DEF6: variants seen among roughly 807,000 people sequenced by gnomAD.
The protein encoded by DEF6 is differentially expressed in FDCP 6 homolog.
DEF6 carries 32 observed loss-of-function variants against 80.5 expected under a neutral mutation model. That is an observed-to-expected ratio of 0.40 (90% CI 0.30 to 0.53). The LOEUF is 0.53. Among genes scored for constraint, DEF6 ranks in the 20% least tolerant of loss-of-function variants. DEF6 has a pLI of 0.57. For synonymous variants in DEF6, 300 were observed against 337.9 expected (o/e 0.89, Z 1.23); for missense variants, 575 against 818.7 (o/e 0.70, Z 3.63).
rs529730124 is a variant in DEF6 at position 35,317,768 on chromosome 6, C to A, written c.808-123C>A. 4.9e-5 allele frequency: 36 copies of A among 742,208 alleles called. No individual in the cohort carries two copies. In the African/African-American group the frequency reaches 6.3e-4, roughly 13 times the overall value. 46.0% of individuals were successfully genotyped at this position (742,208 alleles called of 1,614,324 possible). ...TGATGCAAGCCATGCAGGCTCCTGG[C>A]AGAGTGGGGTCCCCAGGGAAGATAG... On this transcript the variant is annotated intron_variant, in intron 5 of 10. Coordinates refer to ENST00000316637, the MANE Select transcript of DEF6 (RefSeq NM_022047.4).
intron 1 of DEF6, among the ~76,000 whole-genome samples, chr6:35,299,907 T>TA (rs1791293378): frequency 6.6e-6 from 1 of 151,942 alleles, no homozygotes; most frequent in Non-Finnish European, 1.5e-5. Context: ...AAAGGAGTAA[T>TA]AGAGAAGTGG....
At chr6:35,300,402 A>T (rs187957907) in intron 1 of DEF6, among the ~76,000 whole-genome samples, 195 of 152,264 alleles carry the variant, frequency 1.3e-3, no homozygotes, top group South Asian at 0.012. Flanking sequence ...CCAGGGCAAG[A>T]TGTGTCGGTG....
rs2150386777 is a variant in DEF6 at position 35,309,823 on chromosome 6, T to C, written c.237+13T>C. 2 of 1,613,470 alleles carry C rather than the reference T, an allele frequency of 1.2e-6. No individual in the cohort carries two copies. Among genetic ancestry groups the C allele is most frequent in the Non-Finnish European group, 8.5e-7 (1 of 1,179,640 alleles). On this transcript the variant is annotated intron_variant, in intron 2 of 10. Coordinates refer to ENST00000316637, the MANE Select transcript of DEF6 (RefSeq NM_022047.4). ...CATCCTGGACAAGGTGGGGCCCAGC[T>C]TGTAGGGAGCATCTGTAACCTCTCC...
intron 2 of DEF6, 123 bp downstream of exon 2, chr6:35,309,933 T>A: frequency 8.7e-7 from 1 of 1,153,422 alleles, no homozygotes. Flanking sequence ...CTGCCTGCTC[T>A]GTCCGTGACT....
chr6:35,319,593 A>G lies in DEF6; in HGVS notation c.1285A>G (p.Lys429Glu), dbSNP rs1249509875. 6.2e-7 allele frequency: 1 copy of G among 1,613,912 alleles called. No homozygotes were observed. The highest frequency in any genetic ancestry group is 2.2e-5 in the East Asian group (1 of 44,868). Residue 429 changes from lysine to glutamate, a missense_variant, in exon 8 of 11, where the codon AAG (lysine) becomes GAG (glutamate). Lys to Glu is a moderately conservative substitution (Grantham distance 56, BLOSUM62 1). Coordinates refer to ENST00000316637, the MANE Select transcript of DEF6 (RefSeq NM_022047.4). The surrounding 1 kb of genome is among the most constrained non-coding windows in gnomAD (Gnocchi z 4.5). ...GGCTGCCCGGCAGCGGCAGCGCATC[A>G]AGGAGCTGGAGGAGATGCAGCAGCG... ...EEAARQRQRI[K>E]ELEEMQQRLQ... is the part of the protein sequence containing the mutation.
intron 5 of DEF6, among the ~76,000 whole-genome samples, chr6:35,313,673 T>A (rs554079151): frequency 6.6e-6 from 1 of 152,340 alleles, no homozygotes; most frequent in Admixed American, 6.5e-5. Context: ...TCCACTTTTT[T>A]AGCTCCCACA....
Position 35,321,656 on chromosome 6 carries a change from A to G in DEF6, c.*246A>G. 2.5e-6 allele frequency: 1 copy of G among 394,272 alleles called. No homozygotes were observed. 24.4% of individuals were successfully genotyped at this position (394,272 alleles called of 1,614,324 possible). On this transcript the variant is annotated 3_prime_UTR_variant, in exon 11 of 11. Coordinates refer to ENST00000316637, the MANE Select transcript of DEF6 (RefSeq NM_022047.4). ...GAACTTGGCCCTGTGCTTTAGACCCAAGGACCCGATTCTTGGGCTAGGAAA... is the reference window on the plus strand; with the variant it reads ...GAACTTGGCCCTGTGCTTTAGACCCGAGGACCCGATTCTTGGGCTAGGAAA...
Position 35,307,050 on chromosome 6 carries a change from C to T in DEF6, c.97-2620C>T, listed in dbSNP as rs139071676. Among the ~76,000 whole-genome samples the T allele has an allele frequency of 2.6e-5, 4 of 152,320 alleles. No homozygotes were observed. The East Asian group carries it at 5.8e-4, about 22-fold the overall frequency. ...CCATTTTTTCATATTATAAACAATG[C>T]TTAATGAGCATTCTTGTATCTCTCC... On this transcript the variant is annotated intron_variant, in intron 1 of 10. Transcript: ENST00000316637.
At chr6:35,308,054 G>A (rs560273282) in intron 1 of DEF6, among the ~76,000 whole-genome samples, 5 of 152,302 alleles carry the variant, frequency 3.3e-5, no homozygotes, top group East Asian at 1.9e-4. Context: ...ACAATCCAAC[G>A]GAGGAGGGAG....
rs1310130846 is a variant in DEF6, at chr6:35,318,696, G to A, written c.1215+225G>A. ...GGACAGAACCTGGGGCTAGGAAAGG[G>A]GTGTGGGGCGAGGTCCGAGCCCGTG... On this transcript the variant is annotated intron_variant, in intron 7 of 10. Coordinates refer to ENST00000316637, the MANE Select transcript of DEF6 (RefSeq NM_022047.4). This position sits in a 1 kb window ranked among gnomAD's most constrained non-coding sequence, Gnocchi z 5.1. Among the ~76,000 whole-genome samples, 1 of 152,162 alleles carries A rather than the reference G, an allele frequency of 6.6e-6. No homozygotes were observed. The highest frequency in any genetic ancestry group is 1.5e-5 in the Non-Finnish European group (1 of 68,020).
rs36231574 is a variant in DEF6, at chr6:35,308,672, C to CAAAATAAAATAAAATAAAAT, written c.97-959_97-940dup. 9.9e-4 allele frequency among the ~76,000 whole-genome samples: 115 copies of CAAAATAAAATAAAATAAAAT among 115,716 alleles called. No individual in the cohort carries two copies. The Middle Eastern group carries it at 0.012, about 12-fold the overall frequency. 75.9% of individuals were successfully genotyped at this position (115,716 alleles called of 152,430 possible). ...TGGGTGACAGAGTAAGACTCCGTCT[C>CAAAATAAAATAAAATAAAAT]AAAATAAAATAAAATAAAATAAAAT... On this transcript the variant is annotated intron_variant, in intron 1 of 10. Transcript: ENST00000316637.
rs148839014 is a variant in DEF6 at position 35,312,439 on chromosome 6, C to G, written c.561C>G (p.Leu187=). 1.2e-6 allele frequency: 2 copies of G among 1,614,064 alleles called. No homozygotes were observed. Among genetic ancestry groups the G allele is most frequent in the Non-Finnish European group, 1.7e-6 (2 of 1,180,044 alleles). ...TCAGCGTCTGGCAGTTCCTGGAGCT[C>G]TTCAATTCGGGCCGCTGCCTGCGGG... is the stretch of plus-strand genomic sequence containing the variant. ...GGLSVWQFLE[L]FNSGRCLRGV... The change falls in exon 4 of 11, where the codon CTC becomes CTG. Residue 187 remains leucine (L), a synonymous_variant. Transcript: ENST00000316637. The surrounding 1 kb of genome is among the most constrained non-coding windows in gnomAD (Gnocchi z 6.6).
In DEF6 at chr6:35,318,814, A is replaced by G. The variant is rs1397301668; in HGVS notation, c.1215+343A>G. Among the ~76,000 whole-genome samples, 1 of 152,114 alleles carries G rather than the reference A, an allele frequency of 6.6e-6. No individual in the cohort carries two copies. The highest frequency in any genetic ancestry group is 6.5e-5 in the Admixed American group (1 of 15,282). On this transcript the variant is annotated intron_variant, in intron 7 of 10. Coordinates refer to ENST00000316637, the MANE Select transcript of DEF6 (RefSeq NM_022047.4). This position sits in a 1 kb window ranked among gnomAD's most constrained non-coding sequence, Gnocchi z 5.1. ...ACCGTGTGATTGGGGATTAGACTGGACCAAGTTTGGACTAGACTTGAACTA... is the reference window on the plus strand; with the variant it reads ...ACCGTGTGATTGGGGATTAGACTGGGCCAAGTTTGGACTAGACTTGAACTA...
chr6:35,299,579 A>G (rs915418681), intron 1 of DEF6, among the ~76,000 whole-genome samples: 2 of 151,996 alleles, frequency 1.3e-5, no homozygotes, highest in East Asian at 3.9e-4. Context: ...CCACTCCCTC[A>G]TCCCCACAGG....
chr6:35,310,093 AG>A (rs1791443782), intron 2 of DEF6, among the ~76,000 whole-genome samples: 1 of 150,826 alleles, frequency 6.6e-6, no homozygotes, highest in Admixed American at 6.6e-5. Context: ...TCCAGCTTCC[AG>A]GGTTCTCCAC....
chr6:35,316,229 T>C (rs989248392), intron 5 of DEF6: 1 of 151,710 alleles, frequency 6.6e-6, no homozygotes, highest in African/African-American at 2.4e-5. Flanking sequence ...GGTGTCGAAC[T>C]CCTGGCCTCA....
At chr6:35,302,585 A>G (rs1562146324) in intron 1 of DEF6, among the ~76,000 whole-genome samples, 1 of 152,186 alleles carries the variant, frequency 6.6e-6, no homozygotes, top group East Asian at 1.9e-4. Context: ...CTACTCCCCT[A>G]CATGCCTCCA....
At chr6:35,317,379 C>T (rs1791534656) in intron 5 of DEF6, among the ~76,000 whole-genome samples, 1 of 152,192 alleles carries the variant, frequency 6.6e-6, no homozygotes, top group Non-Finnish European at 1.5e-5. Context: ...AATACTAGTA[C>T]AGACTCTAGA....
chr6:35,298,548 G>A (rs1163842583), intron 1 of DEF6, among the ~76,000 whole-genome samples: 1 of 152,174 alleles, frequency 6.6e-6, no homozygotes, highest in Non-Finnish European at 1.5e-5. Context: ...ATATCAGGTT[G>A]GGAAACTTAC....
Sources: allele counts gnomAD v4.1 joint callset (sites outside exome capture counted in the v4.1 genomes callset), GRCh38; gene constraint gnomAD v4.1.1; non-coding constraint Gnocchi (gnomAD v3.1); transcripts MANE v1.5; gene names NCBI Gene and HGNC (gene_info 2026-07-23, HGNC 2026-07-21).